Variants in ARHGAP6 observed in about 807,000 individuals in gnomAD.
The protein encoded by ARHGAP6 is Rho GTPase activating protein 6, also known as rho GTPase-activating protein 6.
Under a neutral mutation model 55.7 loss-of-function variants are expected in ARHGAP6, and 16 were observed. That is an observed-to-expected ratio of 0.29 (90% CI 0.19 to 0.44). The LOEUF (loss-of-function observed/expected upper bound fraction) is 0.44. Ranked by LOEUF, ARHGAP6 falls within the 20% of genes least tolerant of loss-of-function variation. ARHGAP6 has a pLI of 1.00. For synonymous variants in ARHGAP6, 382 were observed against 360.9 expected (o/e 1.06, Z -0.66); for missense variants, 698 against 808.9 (o/e 0.86, Z 1.66).
chrX:11,408,462 C>T (rs1311071022), intron 1 of ARHGAP6, among the ~76,000 whole-genome samples: 1 of 111,570 alleles, frequency 9.0e-6, no homozygotes, highest in Non-Finnish European at 1.9e-5. Flanking sequence ...TACACAGTTT[C>T]CTCTTGCTCT....
At chrX:11,614,778 T>C (rs916679102) in intron 1 of ARHGAP6, among the ~76,000 whole-genome samples, 1 of 112,045 alleles carries the variant, frequency 8.9e-6, no homozygotes, top group African/African-American at 3.2e-5. Flanking sequence ...AAAAATCGAT[T>C]ACTGGGAGAG....
At chrX:11,609,515 A>G in intron 1 of ARHGAP6, among the ~76,000 whole-genome samples, 2 of 111,870 alleles carry the variant, frequency 1.8e-5, no homozygotes, top group East Asian at 2.8e-4. Context: ...TAAACAATAA[A>G]GCAAGCTCCT....
chrX:11,319,751 G>A (rs1474335531), intron 1 of ARHGAP6, among the ~76,000 whole-genome samples: 2 of 112,015 alleles, frequency 1.8e-5, no homozygotes, highest in African/African-American at 3.2e-5. Context: ...CTTAAATCGT[G>A]GTACATTTCT....
chrX:11,464,412 G>T (rs1380134668), intron 1 of ARHGAP6, among the ~76,000 whole-genome samples: 1 of 111,926 alleles, frequency 8.9e-6, no homozygotes, highest in Admixed American at 9.5e-5. Context: ...AGATAAACAA[G>T]GAGTACACAC....
chrX:11,576,833 A>ATGTT (rs74279666), intron 1 of ARHGAP6, among the ~76,000 whole-genome samples: 40,447 of 110,356 alleles, frequency 0.37, 5,639 homozygotes, highest in African/African-American at 0.49. Context: ...TCAAACCAAG[A>ATGTT]GGCAGAGTTG....
intron 1 of ARHGAP6, among the ~76,000 whole-genome samples, chrX:11,292,771 T>A (rs995003294): frequency 2.7e-5 from 3 of 112,325 alleles, no homozygotes; most frequent in African/African-American, 9.7e-5. Flanking sequence ...AAGTTCCTGA[T>A]TGTTTTTACG....
intron 2 of ARHGAP6, among the ~76,000 whole-genome samples, chrX:11,207,329 G>A (rs1351537343): frequency 1.8e-5 from 2 of 110,958 alleles, no homozygotes; most frequent in East Asian, 5.6e-4. Flanking sequence ...CACCTGGCCT[G>A]GTTGGTATTG....
intron 1 of ARHGAP6, among the ~76,000 whole-genome samples, chrX:11,547,295 T>G (rs1427925361): frequency 8.9e-6 from 1 of 112,175 alleles, no homozygotes; most frequent in Non-Finnish European, 1.9e-5. Context: ...ATATTCTGCC[T>G]CTTAGAGACC....
intron 1 of ARHGAP6, among the ~76,000 whole-genome samples, chrX:11,511,298 A>G (rs2050782815): frequency 8.9e-6 from 1 of 112,084 alleles, no homozygotes; most frequent in African/African-American, 3.2e-5. Flanking sequence ...AAAATAGAGG[A>G]AGGAGACATT....
intron 1 of ARHGAP6, among the ~76,000 whole-genome samples, chrX:11,455,804 T>C (rs925617105): frequency 8.9e-6 from 1 of 112,248 alleles, no homozygotes; most frequent in African/African-American, 3.2e-5. Context: ...ACCTGGTACC[T>C]ATGGCAGGTC....
chrX:11,333,322 G>A (rs998963619), intron 1 of ARHGAP6, among the ~76,000 whole-genome samples: 16 of 111,421 alleles, frequency 1.4e-4, no homozygotes, highest in Non-Finnish European at 2.6e-4. Flanking sequence ...GAGTTCTCAC[G>A]AGATCTGATG....
rs1423545250 is a variant in ARHGAP6 at position 11,143,729 on chromosome X, G to A, written c.2176+251C>T. Reference sequence around the variant, plus strand: ...ATAGGAGTGGCTCCTCTGGGCATGCGTTTATTTCCCAGATATCTGAGACTT... The same window carrying A: ...ATAGGAGTGGCTCCTCTGGGCATGCATTTATTTCCCAGATATCTGAGACTT... On this transcript the variant is annotated intron_variant, in intron 11 of 12. Coordinates refer to ENST00000337414, the MANE Select transcript of ARHGAP6 (RefSeq NM_013427.3). 7.2e-6 allele frequency: 8 copies of A among 1,112,069 alleles called. No individual in the cohort carries two copies. In the Admixed American group the frequency reaches 9.6e-5, roughly 13 times the overall value. The allele number at this position is 1,112,069 out of a possible 1,213,427, so 91.6% of individuals were successfully genotyped here.
intron 1 of ARHGAP6, among the ~76,000 whole-genome samples, chrX:11,419,061 G>T (rs957354226): frequency 5.3e-5 from 6 of 112,412 alleles, no homozygotes; most frequent in African/African-American, 1.6e-4. Flanking sequence ...CAAGAAGTCA[G>T]AGTATTTACT....
intron 1 of ARHGAP6, among the ~76,000 whole-genome samples, chrX:11,349,995 C>A (rs1305105933): frequency 9.0e-6 from 1 of 111,576 alleles, no homozygotes; most frequent in African/African-American, 3.3e-5. Flanking sequence ...TGGCCCCCTG[C>A]CTTACAAGGT....
intron 1 of ARHGAP6, among the ~76,000 whole-genome samples, chrX:11,563,878 A>G (rs547093479): frequency 9.0e-6 from 1 of 111,392 alleles, no homozygotes. Context: ...TGCAGGCCTT[A>G]TTTTCAGTAA....
intron 9 of ARHGAP6, among the ~76,000 whole-genome samples, chrX:11,168,801 T>G (rs1378024991): frequency 8.9e-6 from 1 of 112,034 alleles, no homozygotes; most frequent in African/African-American, 3.2e-5. Flanking sequence ...TCAAGGGAAG[T>G]TGTAGCAAGC....
At chrX:11,561,491 G>C (rs747345158) in intron 1 of ARHGAP6, among the ~76,000 whole-genome samples, 1 of 111,618 alleles carries the variant, frequency 9.0e-6, no homozygotes, top group African/African-American at 3.3e-5. Flanking sequence ...CTTGTCTCTG[G>C]GTAAGTAAAA....
rs761037911 is a variant in ARHGAP6, at chrX:11,468,840, T to C, written c.588+195401A>G. ...AATGAATGTTTGTATCCCTTTGAAG[T>C]GGATATATTGAAGGCCTAATACCTA... On this transcript the variant is annotated intron_variant, in intron 1 of 12. Transcript: ENST00000337414. Among the ~76,000 whole-genome samples, 4 of 112,502 alleles carry C rather than the reference T, an allele frequency of 3.6e-5. No individual in the cohort carries two copies. In the East Asian group the frequency reaches 8.3e-4, roughly 23 times the overall value.
chrX:11,203,756 C>T (rs977643016), intron 2 of ARHGAP6, among the ~76,000 whole-genome samples: 6 of 111,749 alleles, frequency 5.4e-5, no homozygotes, highest in African/African-American at 2.0e-4. Context: ...GACCCTTCTC[C>T]ACACCAAGGC....
Sources: gnomAD v4.1 joint callset for allele counts (sites outside exome capture counted in the v4.1 genomes callset) on GRCh38, gnomAD v4.1.1 for gene constraint, MANE v1.5 for transcripts, NCBI Gene and HGNC (gene_info 2026-07-23, HGNC 2026-07-21) for gene names.